The following PIP5K1B variants were observed in gnomAD, a reference collection of about 807,000 sequenced individuals.
PIP5K1B encodes the protein phosphatidylinositol-4-phosphate 5-kinase type 1 beta, also known as phosphatidylinositol 4-phosphate 5-kinase type-1 beta.
In PIP5K1B, 42 loss-of-function variants were observed where a neutral mutation model predicts 67.0. The observed-to-expected ratio is 0.63, with a 90% CI of 0.49 to 0.81. The LOEUF (loss-of-function observed/expected upper bound fraction) is 0.81, where lower values mean the gene tolerates loss of function less well. Ranked by LOEUF, PIP5K1B falls within the 30% of genes least tolerant of loss-of-function variation. PIP5K1B has a pLI of 0.00. For synonymous variants in PIP5K1B, 214 were observed against 231.4 expected (o/e 0.92, Z 0.68); for missense variants, 459 against 646.3 (o/e 0.71, Z 3.14).
chr9:68,775,143 G>A (rs1830854086), intron 2 of PIP5K1B, among the ~76,000 whole-genome samples: 1 of 152,190 alleles, frequency 6.6e-6, no homozygotes, highest in Admixed American at 6.5e-5. Flanking sequence ...CAATTGGAAT[G>A]CTTTCTGTTC....
At chr9:68,882,371 G>A (rs1014621313) in intron 6 of PIP5K1B, among the ~76,000 whole-genome samples, 5 of 152,302 alleles carry the variant, frequency 3.3e-5, no homozygotes, top group South Asian at 4.1e-4. Context: ...GCACATTGAT[G>A]CTAGTCTATG....
At chr9:68,777,324 C>G (rs75363496) in intron 2 of PIP5K1B, among the ~76,000 whole-genome samples, 1 of 152,092 alleles carries the variant, frequency 6.6e-6, no homozygotes, top group Admixed American at 6.5e-5. Context: ...TAACAGAGAA[C>G]AAAACAAAGG....
chr9:68,978,712 T>TA (rs1829747914), intron 14 of PIP5K1B, among the ~76,000 whole-genome samples: 1 of 152,226 alleles, frequency 6.6e-6, no homozygotes, highest in African/African-American at 2.4e-5. Flanking sequence ...AGTTCATTAT[T>TA]AAAGTAAAAT....
At chr9:68,733,599 G>GAT (rs972543846) in intron 1 of PIP5K1B, among the ~76,000 whole-genome samples, 9 of 142,248 alleles carry the variant, frequency 6.3e-5, no homozygotes, top group South Asian at 2.3e-4. Flanking sequence ...TTTCTTCTGA[G>GAT]ATCCCCACTT....
chr9:68,965,229 A>G (rs1394248487), intron 14 of PIP5K1B, among the ~76,000 whole-genome samples: 1 of 137,836 alleles, frequency 7.3e-6, no homozygotes, highest in African/African-American at 2.7e-5. Context: ...GACTAGTACA[A>G]TGAATAGAAT....
chr9:68,959,381 G>C (rs1273832742), intron 14 of PIP5K1B, among the ~76,000 whole-genome samples: 1 of 151,840 alleles, frequency 6.6e-6, no homozygotes, highest in Non-Finnish European at 1.5e-5. Context: ...TATTTTTCTA[G>C]GTTTTATTTT....
chr9:68,783,459 G>T (rs1246449906), intron 2 of PIP5K1B: 5 of 166,980 alleles, frequency 3.0e-5, no homozygotes, highest in African/African-American at 1.2e-4. Context: ...GTACATATCT[G>T]TGTGGTTTTA....
At chr9:68,772,485 T>C (rs1830713665) in intron 2 of PIP5K1B, among the ~76,000 whole-genome samples, 1 of 152,088 alleles carries the variant, frequency 6.6e-6, no homozygotes, top group South Asian at 2.1e-4. Context: ...AGTTCAGCGC[T>C]ACCGGGGAGG....
chr9:68,917,029 A>T (rs891968603), intron 8 of PIP5K1B, among the ~76,000 whole-genome samples: 3 of 152,190 alleles, frequency 2.0e-5, no homozygotes, highest in Non-Finnish European at 4.4e-5. Flanking sequence ...ACAAACTTAC[A>T]AGCTTGTAGA....
chr9:68,788,251 CT>C (rs2132485941), intron 2 of PIP5K1B: 2 of 463,242 alleles, frequency 4.3e-6, no homozygotes, highest in South Asian at 2.0e-5. Context: ...ATACTTTTTA[CT>C]TTTAGATAAG....
chr9:68,882,004 A>G (rs1824221672), intron 6 of PIP5K1B, among the ~76,000 whole-genome samples: 1 of 152,226 alleles, frequency 6.6e-6, no homozygotes, highest in South Asian at 2.1e-4. Flanking sequence ...GCAAGTTTAC[A>G]TTGTTAATTT....
intron 14 of PIP5K1B, among the ~76,000 whole-genome samples, chr9:68,979,845 C>T (rs999979425): frequency 2.0e-5 from 3 of 152,186 alleles, no homozygotes; most frequent in African/African-American, 7.2e-5. Context: ...AGGCAGTCTC[C>T]TTGTCTAAAA....
At chr9:68,953,759 T>C (rs979473112) in intron 14 of PIP5K1B, among the ~76,000 whole-genome samples, 2 of 148,996 alleles carry the variant, frequency 1.3e-5, no homozygotes, top group African/African-American at 2.5e-5. Context: ...TGAGCTGTTA[T>C]TGCACCATTG....
chr9:68,730,252 G>A lies in PIP5K1B; in HGVS notation c.-242-12249G>A, dbSNP rs187095096. 6.8e-3 allele frequency among the ~76,000 whole-genome samples: 1,041 copies of A among 152,244 alleles called. 9 individuals are homozygous for A. The highest frequency in any genetic ancestry group is 0.023 in the African/African-American group (957 of 41,558). On this transcript the variant is annotated intron_variant, in intron 1 of 15. Coordinates refer to ENST00000265382, the MANE Select transcript of PIP5K1B (RefSeq NM_003558.4). ...GCATATGAATATGGCATGAAGAACA[G>A]AAGAAAATATAATTCACTTAAAGGA... is the stretch of plus-strand genomic sequence containing the variant.
At chr9:68,729,862 A>G (rs944338617) in intron 1 of PIP5K1B, among the ~76,000 whole-genome samples, 2 of 152,202 alleles carry the variant, frequency 1.3e-5, no homozygotes, top group African/African-American at 4.8e-5. Context: ...ATATTTAACA[A>G]AAGCCATTTC....
chr9:68,767,785 A>G (rs1257536944), intron 2 of PIP5K1B, among the ~76,000 whole-genome samples: 2 of 152,078 alleles, frequency 1.3e-5, no homozygotes, highest in African/African-American at 2.4e-5. Context: ...TTCAACATCC[A>G]CTAGTAGATT....
rs1012038413 is a variant in PIP5K1B at position 68,768,628 on chromosome 9, T to A, written c.-86+25971T>A. On this transcript the variant is annotated intron_variant, in intron 2 of 15. Coordinates refer to ENST00000265382, the MANE Select transcript of PIP5K1B (RefSeq NM_003558.4). ...GTCTACCCTATGTTTAACTTTTAAA[T>A]TTGTTTTTTAGTTCAACATCTACAA... Among the ~76,000 whole-genome samples, 8 of 152,326 alleles carry A rather than the reference T, an allele frequency of 5.3e-5. No homozygotes were observed. In the East Asian group the frequency reaches 1.5e-3, roughly 29 times the overall value.
rs59573461 is a variant in PIP5K1B, at chr9:68,920,803, TACAC to T, written c.1116+1099_1116+1102del. ...TCTCTCTCACACACATACACACACA[TACAC>T]ACACACACACACACACACACACACG... On this transcript the variant is annotated intron_variant, in intron 11 of 15. Coordinates refer to ENST00000265382, the MANE Select transcript of PIP5K1B (RefSeq NM_003558.4). 4.6e-3 allele frequency among the ~76,000 whole-genome samples: 650 copies of T among 141,504 alleles called. 5 individuals are homozygous for T. The highest frequency in any genetic ancestry group is 0.034 in the East Asian group (166 of 4,874). The allele number at this position is 141,504 out of a possible 152,430, so 92.8% of individuals were successfully genotyped here.
intron 5 of PIP5K1B, among the ~76,000 whole-genome samples, chr9:68,867,857 T>TA (rs1338696478): frequency 2.0e-5 from 3 of 152,208 alleles, no homozygotes; most frequent in African/African-American, 7.2e-5. Flanking sequence ...ATCTGGGTCA[T>TA]AGAACTAATT....
Sources: allele counts gnomAD v4.1 joint callset (sites outside exome capture counted in the v4.1 genomes callset), GRCh38; gene constraint gnomAD v4.1.1; transcripts MANE v1.5; gene names NCBI Gene and HGNC (gene_info 2026-07-23, HGNC 2026-07-21).